Variants in FNDC1 observed in about 807,000 individuals in gnomAD.
FNDC1 encodes fibronectin type III domain containing 1, also known as fibronectin type III domain-containing protein 1.
A neutral mutation model predicts 168.0 loss-of-function variants in FNDC1; 96 were observed. The ratio of observed to expected loss-of-function variants is 0.57; its 90% CI spans 0.48 to 0.68. The LOEUF is 0.68. FNDC1 is among the 30% of genes least tolerant of loss of function. The probability of loss-of-function intolerance (pLI) is 0.00; values close to 1 mark genes in which losing one functional copy is unlikely to be tolerated. For synonymous variants in FNDC1, 1,099 were observed against 1,025.9 expected (o/e 1.07, Z -1.36); for missense variants, 2,587 against 2,482.1 (o/e 1.04, Z -0.90).
intron 1 of FNDC1, among the ~76,000 whole-genome samples, chr6:159,185,185 C>A (rs1781970161): frequency 6.6e-6 from 1 of 151,992 alleles, no homozygotes; most frequent in African/African-American, 2.4e-5. Context: ...TCAGCCAGAT[C>A]TGATGGTGGA....
Position 159,244,274 on chromosome 6 carries a change from C to T in FNDC1, c.4622-2627C>T, listed in dbSNP as rs560466797. Among the ~76,000 whole-genome samples the T allele has an allele frequency of 1.1e-4, 17 of 152,314 alleles. No homozygotes were observed. The East Asian group carries it at 2.7e-3, about 24-fold the overall frequency. ...TTGAATAAGCTCAGAAGTAATTTGTCTTGGATCCCAGGTATATTGACATTG... is the reference window on the plus strand; with the variant it reads ...TTGAATAAGCTCAGAAGTAATTTGTTTTGGATCCCAGGTATATTGACATTG... On this transcript the variant is annotated intron_variant, in intron 14 of 22. Transcript: ENST00000297267.
Position 159,234,299 on chromosome 6 carries a change from C to T in FNDC1, c.3787C>T (p.Pro1263Ser). The change falls in exon 11 of 23, where the codon CCT (proline) becomes TCT (serine). Residue 1263 changes from proline to serine, a missense_variant. Physicochemically the swap from Pro to Ser is moderately conservative, Grantham distance 74. Coordinates refer to ENST00000297267, the MANE Select transcript of FNDC1 (RefSeq NM_032532.3). ...CTCCCACGTCCCTTCCCGACTGCCG[C>T]CTCGCAGCGCTGCCACCGTGAGCCC... ...RASHVPSRLP[P>S]RSAATVSPVA... The T allele has an allele frequency of 1.2e-6, 2 of 1,605,914 alleles. No homozygotes were observed. Among genetic ancestry groups the T allele is most frequent in the Non-Finnish European group, 1.7e-6 (2 of 1,176,348 alleles).
Position 159,232,612 on chromosome 6 carries a change from C to T in FNDC1, c.2100C>T (p.Thr700=), listed in dbSNP as rs1312661878. ...AGCCAGCCTCGCCGGCCCGGAGGAC[C>T]CCCCATTCAGGGGCCGCAGAGGAAG... ...GAKPASPARR[T]PHSGAAEEDS... is the part of the protein sequence containing the mutation. Residue 700 remains threonine (T), a synonymous_variant, in exon 11 of 23, where the codon ACC becomes ACT. Coordinates refer to ENST00000297267, the MANE Select transcript of FNDC1 (RefSeq NM_032532.3). This position sits in a 1 kb window ranked among gnomAD's most constrained non-coding sequence, Gnocchi z 4.9. The T allele has an allele frequency of 1.9e-6, 3 of 1,608,284 alleles. No individual in the cohort carries two copies. The highest frequency in any genetic ancestry group is 2.6e-6 in the Non-Finnish European group (3 of 1,176,264).
chr6:159,219,515 C>T (rs566965804), intron 5 of FNDC1, among the ~76,000 whole-genome samples: 44 of 152,244 alleles, frequency 2.9e-4, no homozygotes, highest in African/African-American at 1.1e-3. Flanking sequence ...TTGGTGCCCG[C>T]AGATCTGGGT....
In FNDC1 at chr6:159,249,185, A is replaced by G; in HGVS notation, c.4834+3A>G. On this transcript the variant is annotated splice_donor_region_variant and intron_variant, in intron 16 of 22. Transcript: ENST00000297267. ...GGCTGGAAGGAAACGATTTGTTGGTAAATATAATGTCCTTAATCAGAGAAA... is the reference window on the plus strand; with the variant it reads ...GGCTGGAAGGAAACGATTTGTTGGTGAATATAATGTCCTTAATCAGAGAAA... 1 of 1,608,088 alleles carries G rather than the reference A, an allele frequency of 6.2e-7. No individual in the cohort carries two copies. The highest frequency in any genetic ancestry group is 8.5e-7 in the Non-Finnish European group (1 of 1,177,678).
At position 159,184,920 on chromosome 6, in the gene FNDC1, T is replaced by C. The variant is rs550614957; in HGVS notation, c.110-12511T>C. On this transcript the variant is annotated intron_variant, in intron 1 of 22. Transcript: ENST00000297267. ...TAGTTGGGTCTCTGTTGCCTGCCAA[T>C]GGAAGGCATGAGCCCTTCCCAACTA... Among the ~76,000 whole-genome samples, 5 of 152,244 alleles carry C rather than the reference T, an allele frequency of 3.3e-5. No individual in the cohort carries two copies. The South Asian group carries it at 8.3e-4, about 25-fold the overall frequency.
intron 22 of FNDC1, among the ~76,000 whole-genome samples, chr6:159,268,815 T>A (rs1777645551): frequency 6.9e-6 from 1 of 145,662 alleles, no homozygotes; most frequent in Admixed American, 7.0e-5. Context: ...TATTCATCTA[T>A]CTATTCATCT....
rs956384560 is a variant in FNDC1 at position 159,223,720 on chromosome 6, T to A, written c.884+75T>A. 1.8e-4 allele frequency: 154 copies of A among 838,976 alleles called. No homozygotes were observed. The African/African-American group carries it at 2.5e-3, about 14-fold the overall frequency. 52.0% of individuals were successfully genotyped at this position (838,976 alleles called of 1,614,324 possible). ...TGGCCCTGAAAAGACATGTATTTAA[T>A]GATTTTATTTTCTGACTTACATGAA... is the stretch of plus-strand genomic sequence containing the variant. On this transcript the variant is annotated intron_variant, in intron 7 of 22. Transcript: ENST00000297267.
At chr6:159,255,804 A>G (rs762788221) in intron 17 of FNDC1, among the ~76,000 whole-genome samples, 4 of 152,230 alleles carry the variant, frequency 2.6e-5, no homozygotes, top group Non-Finnish European at 5.9e-5. Context: ...GTGTACACAT[A>G]AAAGACCTAG....
intron 21 of FNDC1, 84 bp from the exon 22 acceptor site, chr6:159,267,720 T>C (rs1345743722): frequency 4.2e-6 from 6 of 1,443,614 alleles, no homozygotes; most frequent in African/African-American, 1.4e-5. Flanking sequence ...ATTCAAACAG[T>C]CTCCAAAGCT....
At chr6:159,187,407 G>T (rs969809496) in intron 1 of FNDC1, among the ~76,000 whole-genome samples, 3 of 152,152 alleles carry the variant, frequency 2.0e-5, no homozygotes, top group Non-Finnish European at 2.9e-5. Context: ...ATTCCCTAGT[G>T]TGTTTTATAA....
chr6:159,247,095 G>T, intron 15 of FNDC1, 126 bp downstream of exon 15: 2 of 729,126 alleles, frequency 2.7e-6, no homozygotes, highest in Non-Finnish European at 4.8e-6. Context: ...TGGCAATGCC[G>T]AGGGCTGGCT....
chr6:159,262,593 AT>A (rs777856871), intron 19 of FNDC1, among the ~76,000 whole-genome samples: 3 of 152,246 alleles, frequency 2.0e-5, no homozygotes, highest in Non-Finnish European at 4.4e-5. Flanking sequence ...TGTGAAAAAA[AT>A]ATTTAAAAAA....
chr6:159,207,297 G>T (rs889067529), intron 4 of FNDC1, among the ~76,000 whole-genome samples: 1 of 152,284 alleles, frequency 6.6e-6, no homozygotes, highest in Non-Finnish European at 1.5e-5. Flanking sequence ...GCTGATGAGC[G>T]ACTGTTCCGA....
At chr6:159,262,760 T>C (rs928469227) in intron 19 of FNDC1, among the ~76,000 whole-genome samples, 1 of 152,220 alleles carries the variant, frequency 6.6e-6, no homozygotes, top group African/African-American at 2.4e-5. Flanking sequence ...TCATTCTTTA[T>C]GGCCTCCAAG....
In FNDC1 at chr6:159,233,901, G is replaced by T. The variant is rs1243192137; in HGVS notation, c.3389G>T (p.Gly1130Val). ...GAGGDHRSQR[G>V]HAASPARPSR... ...GGTGGCGACCACAGGTCCCAGCGCGGACATGCGGCCTCCCCCGCCAGGCCC... is the reference window on the plus strand; with the variant it reads ...GGTGGCGACCACAGGTCCCAGCGCGTACATGCGGCCTCCCCCGCCAGGCCC... Residue 1130 changes from glycine to valine, a missense_variant, in exon 11 of 23, where the codon GGA becomes GTA. Gly to Val is a moderately radical substitution (Grantham distance 109). Transcript: ENST00000297267. This position sits in a 1 kb window ranked among gnomAD's most constrained non-coding sequence, Gnocchi z 4.6. 1.3e-6 allele frequency: 2 copies of T among 1,547,384 alleles called. No homozygotes were observed. The highest frequency in any genetic ancestry group is 1.7e-6 in the Non-Finnish European group (2 of 1,145,416).
chr6:159,198,988 C>CTT (rs1358788687), intron 2 of FNDC1, among the ~76,000 whole-genome samples: 2 of 152,372 alleles, frequency 1.3e-5, no homozygotes, highest in African/African-American at 4.8e-5. Context: ...ATCAGCCAGG[C>CTT]TTCTGTTCAT....
chr6:159,260,781 C>T (rs1483806077), intron 18 of FNDC1, among the ~76,000 whole-genome samples: 1 of 152,190 alleles, frequency 6.6e-6, no homozygotes, highest in Non-Finnish European at 1.5e-5. Flanking sequence ...CTCCACCACC[C>T]TCTCTCTCTT....
At position 159,169,486 on chromosome 6, in the gene FNDC1, C is replaced by T. The variant is rs1250968082; in HGVS notation, c.-111C>T. The T allele has an allele frequency of 4.7e-6, 1 of 212,026 alleles. No individual in the cohort carries two copies. The highest frequency in any genetic ancestry group is 8.6e-6 in the Non-Finnish European group (1 of 115,944). The allele number at this position is 212,026 out of a possible 1,614,324, so 13.1% of individuals were successfully genotyped here. A position where few individuals can be genotyped will look rare whatever the true frequency, so the allele number is the denominator to read the frequency against. Reference sequence around the variant, plus strand: ...CGGGCACCGCGCAGAGCGCGCAGAACAGACGGACGGCGGCGGGGACCCGAC... The same window carrying T: ...CGGGCACCGCGCAGAGCGCGCAGAATAGACGGACGGCGGCGGGGACCCGAC... On this transcript the variant is annotated 5_prime_UTR_variant, in exon 1 of 23. Coordinates refer to ENST00000297267, the MANE Select transcript of FNDC1 (RefSeq NM_032532.3). The surrounding 1 kb of genome is among the most constrained non-coding windows in gnomAD (Gnocchi z 6.8).
Sources: allele counts gnomAD v4.1 joint callset (sites outside exome capture counted in the v4.1 genomes callset), GRCh38; gene constraint gnomAD v4.1.1; non-coding constraint Gnocchi (gnomAD v3.1); transcripts MANE v1.5; gene names NCBI Gene and HGNC (gene_info 2026-07-23, HGNC 2026-07-21).